Variants in ABI3BP observed in about 807,000 individuals in gnomAD.
ABI3BP encodes the protein ABI family member 3 binding protein.
Under a neutral mutation model 268.6 loss-of-function variants are expected in ABI3BP, and 216 were observed. The observed-to-expected ratio is 0.80, with a 90% confidence interval of 0.72 to 0.90. The LOEUF is 0.90. Ranked by LOEUF, ABI3BP falls within the 40% of genes least tolerant of loss-of-function variation. The probability of loss-of-function intolerance (pLI) is 0.00; values close to 1 mark genes in which losing one functional copy is unlikely to be tolerated. For missense variants in ABI3BP, 2,090 were observed against 2,182.4 expected, an observed-to-expected ratio of 0.96 and a Z score of 0.84; for synonymous variants, 730 against 730.0, an observed-to-expected ratio of 1.00 and a Z score of 0.00.
rs754037220 is a variant in ABI3BP at position 100,847,688 on chromosome 3, GA to G, written c.1577-16del. On this transcript the variant is annotated splice_polypyrimidine_tract_variant and intron_variant, in intron 18 of 67. Transcript: ENST00000471714. Reference sequence around the variant, plus strand: ...TGTGGTTCTTTCTGGTGATGGAAAGGAAAAAAATATTGAAATATCCTAGAGA... The same window carrying G: ...TGTGGTTCTTTCTGGTGATGGAAAGGAAAAAATATTGAAATATCCTAGAGA... The G allele has an allele frequency of 2.5e-6, 4 of 1,603,926 alleles. No individual in the cohort carries two copies. Among genetic ancestry groups the G allele is most frequent in the Non-Finnish European group, 3.4e-6 (4 of 1,171,570 alleles).
chr3:100,991,889 AG>A (rs2092991560), intron 1 of ABI3BP, among the ~76,000 whole-genome samples: 2 of 152,196 alleles, frequency 1.3e-5, no homozygotes, highest in Non-Finnish European at 2.9e-5. Flanking sequence ...GCAGTAACAA[AG>A]TTGCACCTAT....
At chr3:100,803,435 T>C (rs1323324492) in intron 51 of ABI3BP, among the ~76,000 whole-genome samples, 1 of 145,144 alleles carries the variant, frequency 6.9e-6, no homozygotes, top group Admixed American at 6.8e-5. Flanking sequence ...TTTTAAAATA[T>C]ATACCTTAAA....
intron 61 of ABI3BP, 50 bp downstream of exon 61, chr3:100,774,555 T>C: frequency 1.4e-6 from 2 of 1,423,554 alleles, no homozygotes; most frequent in Admixed American, 4.9e-5. Context: ...CTGATACACC[T>C]ACCAAAAATG....
At chr3:100,969,851 G>C (rs2082819115) in intron 1 of ABI3BP, among the ~76,000 whole-genome samples, 1 of 151,850 alleles carries the variant, frequency 6.6e-6, no homozygotes, top group Non-Finnish European at 1.5e-5. Context: ...TTTTTTTAAG[G>C]TTAGAGGAAA....
intron 66 of ABI3BP, 112 bp downstream of exon 66, chr3:100,752,675 G>A: frequency 8.5e-7 from 1 of 1,175,968 alleles, no homozygotes. Context: ...GAAAACTTGT[G>A]TTTACAGCAC....
chr3:100,821,233 T>C, intron 38 of ABI3BP, 120 bp from the exon 39 acceptor site: 2 of 803,882 alleles, frequency 2.5e-6, no homozygotes, highest in Non-Finnish European at 1.9e-6. Context: ...TAGCAACCTT[T>C]AAAAACTGTT....
intron 2 of ABI3BP, among the ~76,000 whole-genome samples, chr3:100,923,394 T>C (rs1039513034): frequency 6.6e-6 from 1 of 152,306 alleles, no homozygotes; most frequent in African/African-American, 2.4e-5. Flanking sequence ...AACCAAAGAA[T>C]AAGGCATAGC....
intron 59 of ABI3BP, among the ~76,000 whole-genome samples, chr3:100,776,182 T>C (rs2096698462): frequency 6.6e-6 from 1 of 152,170 alleles, no homozygotes; most frequent in Admixed American, 6.5e-5. Context: ...GAATTTTATG[T>C]TCCACCGGGG....
chr3:100,824,135 G>A (rs2098312658), intron 36 of ABI3BP, among the ~76,000 whole-genome samples: 1 of 152,164 alleles, frequency 6.6e-6, no homozygotes, highest in Admixed American at 6.6e-5. Context: ...TGATGTCTCT[G>A]TATCAAATCT....
At chr3:100,885,912 G>A (rs907024364) in intron 5 of ABI3BP, among the ~76,000 whole-genome samples, 2 of 151,890 alleles carry the variant, frequency 1.3e-5, no homozygotes, top group Non-Finnish European at 2.9e-5. Flanking sequence ...AATAGACAAC[G>A]ACATCAATGG....
chr3:100,865,235 G>A (rs913483034), intron 10 of ABI3BP, among the ~76,000 whole-genome samples: 56 of 152,140 alleles, frequency 3.7e-4, no homozygotes, highest in Admixed American at 2.7e-3. Flanking sequence ...GAGTAAACAA[G>A]CACATGATTA....
chr3:100,968,381 T>C (rs2082164787), intron 1 of ABI3BP, among the ~76,000 whole-genome samples: 1 of 152,210 alleles, frequency 6.6e-6, no homozygotes, highest in Non-Finnish European at 1.5e-5. Context: ...TTCTCTTGCA[T>C]AATAAGAAAT....
intron 2 of ABI3BP, among the ~76,000 whole-genome samples, chr3:100,908,618 C>CA (rs2054696031): frequency 1.3e-5 from 2 of 152,026 alleles, no homozygotes; most frequent in African/African-American, 4.8e-5. Context: ...CAATAACAGA[C>CA]AAACAGAGAG....
chr3:100,876,920 G>A (rs78269046), intron 6 of ABI3BP, among the ~76,000 whole-genome samples: 8,709 of 152,078 alleles, frequency 0.057, 478 homozygotes, highest in East Asian at 0.27. Flanking sequence ...CCTGGGAGGC[G>A]GAGGTTGCAG....
Position 100,780,136 on chromosome 3 carries a change from C to T in ABI3BP, c.4236G>A (p.Lys1412=). 1 of 1,612,724 alleles carries T rather than the reference C, an allele frequency of 6.2e-7. No homozygotes were observed. Among genetic ancestry groups the T allele is most frequent in the Non-Finnish European group, 8.5e-7 (1 of 1,179,044 alleles). ...AGTCAGCATGTTATTACTTACCTGG[C>T]TTTTTAGTGGGGTGGGTAGAGTCCA... The part of the protein sequence containing the change: ...VSVDSTHPTK[K]PGTRRPPLPP... The change falls in exon 58 of 68, where the codon AAG becomes AAA. Residue 1412 remains lysine (K), a synonymous_variant. Coordinates refer to ENST00000471714, the MANE Select transcript of ABI3BP (RefSeq NM_001375547.2).
intron 6 of ABI3BP, among the ~76,000 whole-genome samples, chr3:100,882,445 AAT>A (rs573846302): frequency 1.0e-4 from 15 of 145,416 alleles, no homozygotes; most frequent in Non-Finnish European, 1.1e-4. Flanking sequence ...ATATATATAT[AAT>A]ATATATATAT....
chr3:100,810,564 AT>A (rs144286330), intron 48 of ABI3BP, 87 bp from the exon 49 acceptor site: 142,925 of 889,736 alleles, frequency 0.16, 14,438 homozygotes, highest in South Asian at 0.23. Context: ...TAACAAATAG[AT>A]TTTTTTAAAA....
intron 20 of ABI3BP, among the ~76,000 whole-genome samples, chr3:100,843,141 T>G (rs1176089497): frequency 6.6e-6 from 1 of 152,154 alleles, no homozygotes; most frequent in Non-Finnish European, 1.5e-5. Context: ...AGAATTTTTA[T>G]TTCTTCTAAA....
At chr3:100,829,694 G>T in intron 32 of ABI3BP, 30 bp from the exon 33 acceptor site, 1 of 1,491,774 alleles carries the variant, frequency 6.7e-7, no homozygotes, top group Non-Finnish European at 9.0e-7. Context: ...GGTTAATACA[G>T]CGTGTTTGGT....
Sources: allele counts gnomAD v4.1 joint callset (sites outside exome capture counted in the v4.1 genomes callset), GRCh38; gene constraint gnomAD v4.1.1; transcripts MANE v1.5; gene names NCBI Gene and HGNC (gene_info 2026-07-23, HGNC 2026-07-21).